Variants in TLE1 observed in about 807,000 individuals in gnomAD.
TLE1 encodes TLE family member 1, transcriptional corepressor, also known as transducin-like enhancer protein 1.
In TLE1, 21 loss-of-function variants were observed where a neutral mutation model predicts 89.8. That is an observed-to-expected ratio of 0.23 (90% CI 0.17 to 0.34). The LOEUF (loss-of-function observed/expected upper bound fraction) is 0.34, where lower values mean the gene tolerates loss of function less well. TLE1 is among the 10% of genes least tolerant of loss of function. The pLI, the probability that TLE1 is intolerant of heterozygous loss-of-function variation, is 1.00. For synonymous variants in TLE1, 447 were observed against 407.6 expected, an observed-to-expected ratio of 1.10 and a Z score of -1.16; for missense variants, 795 against 1,031.2, an observed-to-expected ratio of 0.77 and a Z score of 3.14.
intron 14 of TLE1, among the ~76,000 whole-genome samples, chr9:81,605,236 G>C (rs896032306): frequency 1.3e-5 from 2 of 152,146 alleles, no homozygotes; most frequent in East Asian, 3.9e-4. Context: ...AAGTGCCTCA[G>C]ACCAGCCCTA....
chr9:81,627,946 C>T (rs373840062), intron 8 of TLE1, among the ~76,000 whole-genome samples: 67 of 152,190 alleles, frequency 4.4e-4, no homozygotes, highest in Middle Eastern at 3.4e-3. Flanking sequence ...AGGCTGGGTG[C>T]GGTGGCTCAC....
intron 4 of TLE1, among the ~76,000 whole-genome samples, chr9:81,662,379 G>C (rs888926052): frequency 7.2e-4 from 97 of 134,764 alleles, no homozygotes; most frequent in African/African-American, 2.6e-3. Context: ...GTGTGTGTGT[G>C]TGTGTGTGTG....
At chr9:81,624,271 T>G (rs966273262) in intron 8 of TLE1, among the ~76,000 whole-genome samples, 1 of 152,154 alleles carries the variant, frequency 6.6e-6, no homozygotes, top group African/African-American at 2.4e-5. Flanking sequence ...AATGAACATT[T>G]TAAACTCTAC....
At chr9:81,655,089 G>C (rs1830003597) in intron 4 of TLE1, among the ~76,000 whole-genome samples, 1 of 152,152 alleles carries the variant, frequency 6.6e-6, no homozygotes, top group South Asian at 2.1e-4. Context: ...GGAAAGGCCG[G>C]GTGCGGTGGC....
At chr9:81,670,270 A>G (rs1832044266) in intron 4 of TLE1, among the ~76,000 whole-genome samples, 1 of 152,174 alleles carries the variant, frequency 6.6e-6, no homozygotes, top group Non-Finnish European at 1.5e-5. Flanking sequence ...ACTCTACTCC[A>G]AATTATAAAT....
chr9:81,652,360 G>C, intron 5 of TLE1, 72 bp from the exon 6 acceptor site: 1 of 1,324,078 alleles, frequency 7.6e-7, no homozygotes, highest in East Asian at 2.3e-5. Flanking sequence ...ACAACAAAAA[G>C]TCAAATGCTG....
intron 11 of TLE1, among the ~76,000 whole-genome samples, chr9:81,613,803 G>C (rs1419812620): frequency 6.6e-6 from 1 of 151,964 alleles, no homozygotes; most frequent in Non-Finnish European, 1.5e-5. Flanking sequence ...TGTGGACTTT[G>C]GGTCTACGCC....
intron 8 of TLE1, chr9:81,620,967 T>C (rs532964565): frequency 1.4e-5 from 7 of 490,610 alleles, no homozygotes; most frequent in Admixed American, 2.2e-5. Context: ...TAAGAGTCAA[T>C]GTGTACCACT....
chr9:81,664,904 T>A (rs1831268097), intron 4 of TLE1, among the ~76,000 whole-genome samples: 1 of 152,164 alleles, frequency 6.6e-6, no homozygotes, highest in African/African-American at 2.4e-5. Context: ...CAGGTGACCC[T>A]GAGGCTCTTG....
chr9:81,679,393 G>A (rs574242772), intron 4 of TLE1, among the ~76,000 whole-genome samples: 1 of 151,676 alleles, frequency 6.6e-6, no homozygotes, highest in Admixed American at 6.6e-5. Flanking sequence ...AACAATTTTA[G>A]AAACCATACT....
intron 4 of TLE1, among the ~76,000 whole-genome samples, chr9:81,672,680 TC>T (rs1285790767): frequency 6.6e-6 from 1 of 152,144 alleles, no homozygotes; most frequent in Non-Finnish European, 1.5e-5. Context: ...TGAAATTTTT[TC>T]TTTCTGTAAC....
intron 14 of TLE1, among the ~76,000 whole-genome samples, chr9:81,607,077 GGAGA>G (rs750071611): frequency 8.1e-5 from 11 of 136,296 alleles, no homozygotes; most frequent in South Asian, 2.3e-4. Context: ...AAAAAAAAAT[GGAGA>G]GAGAGAGAGA....
At chr9:81,666,776 A>AAAATAAATAAATAAAT (rs58357123) in intron 4 of TLE1, among the ~76,000 whole-genome samples, 1,803 of 141,846 alleles carry the variant, frequency 0.013, 36 homozygotes, top group African/African-American at 0.039. Context: ...CTCGTCTCAC[A>AAAATAAATAAATAAAT]AAATAAATAA....
chr9:81,598,657 C>T (rs1473661127), intron 14 of TLE1, among the ~76,000 whole-genome samples: 6 of 152,128 alleles, frequency 3.9e-5, no homozygotes, highest in Non-Finnish European at 8.8e-5. Flanking sequence ...CTGGGTTATG[C>T]CAGCCAACTT....
At chr9:81,622,460 G>A (rs552376515) in intron 8 of TLE1, among the ~76,000 whole-genome samples, 20 of 152,180 alleles carry the variant, frequency 1.3e-4, no homozygotes, top group Admixed American at 5.9e-4. Context: ...TGTTGTTGTC[G>A]TTTAATGATG....
chr9:81,603,229 T>C (rs1054596846), intron 14 of TLE1, among the ~76,000 whole-genome samples: 4 of 152,172 alleles, frequency 2.6e-5, no homozygotes, highest in Non-Finnish European at 4.4e-5. Context: ...TGCTGTGTCA[T>C]AGGCTTTCTA....
chr9:81,675,893 G>A (rs918117558), intron 4 of TLE1, among the ~76,000 whole-genome samples: 1 of 151,820 alleles, frequency 6.6e-6, no homozygotes, highest in African/African-American at 2.4e-5. Flanking sequence ...CAGAGACGGG[G>A]TTTCACCATG....
intron 14 of TLE1, among the ~76,000 whole-genome samples, chr9:81,601,469 G>A (rs2131941180): frequency 6.6e-6 from 1 of 152,190 alleles, no homozygotes; most frequent in South Asian, 2.1e-4. Flanking sequence ...GAAAGGACCT[G>A]TAACTACCCT....
Position 81,584,391 on chromosome 9 carries a change from G to C in TLE1, c.2205+57C>G. 1.9e-6 allele frequency: 3 copies of C among 1,610,190 alleles called. No individual in the cohort carries two copies. In the Admixed American group the frequency reaches 5.0e-5, roughly 27 times the overall value. ...TCCCTCGGAGGCACCTTCACTCCTG[G>C]CTTCAGAGGCGACACTGTGGTCAAA... On this transcript the variant is annotated intron_variant, in intron 19 of 19. Transcript: ENST00000376499.
Sources: gnomAD v4.1 joint callset for allele counts (sites outside exome capture counted in the v4.1 genomes callset) on GRCh38, gnomAD v4.1.1 for gene constraint, MANE v1.5 for transcripts, NCBI Gene and HGNC (gene_info 2026-07-23, HGNC 2026-07-21) for gene names.